PCDH15: variants seen among roughly 807,000 people sequenced by gnomAD.
PCDH15 encodes the protein protocadherin related 15.
A neutral mutation model predicts 178.5 loss-of-function variants in PCDH15; 129 were observed. The ratio of observed to expected loss-of-function variants is 0.72; its 90% CI spans 0.63 to 0.84. The LOEUF (loss-of-function observed/expected upper bound fraction) is 0.84, where lower values mean the gene tolerates loss of function less well. PCDH15 is among the 40% of genes least tolerant of loss of function. The pLI is 0.00. For synonymous variants in PCDH15, 800 were observed against 732.0 expected (o/e 1.09, Z -1.50); for missense variants, 2,230 against 2,099.9 (o/e 1.06, Z -1.21).
chr10:54,973,457 A>C (rs1218055597), intron 2 of PCDH15, among the ~76,000 whole-genome samples: 1 of 152,212 alleles, frequency 6.6e-6, no homozygotes. Context: ...TGCAGAAGCA[A>C]CACTGGTAAT....
rs777745189 is a variant in PCDH15, at chr10:54,023,108, G to T, written c.2310C>A (p.Ser770Arg). The T allele has an allele frequency of 1.2e-6, 2 of 1,613,760 alleles. No homozygotes were observed. The highest frequency in any genetic ancestry group is 2.2e-5 in the East Asian group (1 of 44,876). The change falls in exon 19 of 38, where the codon AGC (serine) becomes AGA (arginine). Residue 770 changes from serine (S) to arginine (R), a missense_variant. Ser to Arg is a moderately radical substitution (Grantham distance 110). Transcript: ENST00000644397. ...NNLFRITSNGSIYTAVKLNRE... is the reference protein window; with the variant it reads ...NNLFRITSNGRIYTAVKLNRE... ...TGTTAAGCTTCACTGCTGTGTAAATGCTCCCATTGGATGTGATACGAAAAA... is the reference window on the plus strand; with the variant it reads ...TGTTAAGCTTCACTGCTGTGTAAATTCTCCCATTGGATGTGATACGAAAAA...
chr10:54,534,396 G>T (rs1366178062), intron 2 of PCDH15, among the ~76,000 whole-genome samples: 1 of 152,074 alleles, frequency 6.6e-6, no homozygotes, highest in Admixed American at 6.6e-5. Context: ...GATATACTCT[G>T]ATGGATTAAA....
intron 1 of PCDH15, among the ~76,000 whole-genome samples, chr10:55,276,615 T>C (rs1842604364): frequency 6.6e-6 from 1 of 151,806 alleles, no homozygotes; most frequent in South Asian, 2.1e-4. Context: ...TTTTATATTA[T>C]CATTAGAAAT....
intron 5 of PCDH15, among the ~76,000 whole-genome samples, chr10:54,349,466 C>A (rs1424854868): frequency 1.3e-5 from 2 of 152,106 alleles, no homozygotes; most frequent in Admixed American, 6.6e-5. Context: ...ATTCAATATG[C>A]AAACTATTGA....
At chr10:54,061,842 G>T (rs888075541) in intron 18 of PCDH15, among the ~76,000 whole-genome samples, 1 of 151,960 alleles carries the variant, frequency 6.6e-6, no homozygotes, top group Non-Finnish European at 1.5e-5. Context: ...TTTTTAATAT[G>T]CTGGATAAAA....
At chr10:54,334,854 C>CT (rs1233935224) in intron 6 of PCDH15, among the ~76,000 whole-genome samples, 3 of 152,030 alleles carry the variant, frequency 2.0e-5, no homozygotes, top group African/African-American at 4.8e-5. Context: ...TTCTTTGACA[C>CT]TTTTTTTTGA....
intron 18 of PCDH15, among the ~76,000 whole-genome samples, chr10:54,035,157 A>G (rs1030483809): frequency 5.3e-5 from 8 of 152,028 alleles, no homozygotes; most frequent in African/African-American, 1.9e-4. Flanking sequence ...GGAGCAGTCT[A>G]GTCAGTAGAA....
chr10:55,231,345 A>T (rs1009493993), intron 1 of PCDH15, among the ~76,000 whole-genome samples: 2 of 152,126 alleles, frequency 1.3e-5, no homozygotes, highest in Admixed American at 6.5e-5. Context: ...ACTTACAAAG[A>T]GTCTTGCATA....
At chr10:54,210,235 G>A (rs972802201) in intron 10 of PCDH15, among the ~76,000 whole-genome samples, 20 of 151,870 alleles carry the variant, frequency 1.3e-4, no homozygotes, top group Non-Finnish European at 2.5e-4. Flanking sequence ...AGAGATGCAA[G>A]ATCAAATTGT....
intron 21 of PCDH15, among the ~76,000 whole-genome samples, chr10:53,984,194 T>A (rs990632495): frequency 1.5e-5 from 2 of 134,076 alleles, no homozygotes; most frequent in East Asian, 5.4e-4. Context: ...CTGTCCTCCA[T>A]GCTTGAGTGC....
chr10:55,019,055 G>C (rs928986652), intron 2 of PCDH15, among the ~76,000 whole-genome samples: 1 of 151,924 alleles, frequency 6.6e-6, no homozygotes, highest in Non-Finnish European at 1.5e-5. Context: ...ATCTTATTTT[G>C]CAGCTCTTTA....
intron 2 of PCDH15, among the ~76,000 whole-genome samples, chr10:55,157,237 A>C (rs190225190): frequency 2.5e-3 from 383 of 152,164 alleles, no homozygotes; most frequent in African/African-American, 8.7e-3. Context: ...GAGAAATGCA[A>C]ATTAAAACCA....
intron 5 of PCDH15, among the ~76,000 whole-genome samples, chr10:54,357,847 A>G (rs1451607533): frequency 6.6e-6 from 1 of 152,266 alleles, no homozygotes; most frequent in East Asian, 1.9e-4. Context: ...CAGAGCCCTC[A>G]GAAATAACAC....
chr10:55,226,304 T>C (rs1841038403), intron 1 of PCDH15, among the ~76,000 whole-genome samples: 1 of 152,136 alleles, frequency 6.6e-6, no homozygotes, highest in Non-Finnish European at 1.5e-5. Flanking sequence ...TTTAATTCTA[T>C]AGTAATTAAT....
In PCDH15 at chr10:53,823,295, T is replaced by C. The variant is rs756871318; in HGVS notation, c.4368-3065A>G. 3 of 1,613,924 alleles carry C rather than the reference T, an allele frequency of 1.9e-6. No homozygotes were observed. In the African/African-American group the frequency reaches 4.0e-5, roughly 22 times the overall value. ...AAAAGGGCATCACAACTTGTTGATG[T>C]TTCCTGTCTTCTGAGACTGAGTTAT... On this transcript the variant is annotated intron_variant, in intron 32 of 37. Transcript: ENST00000644397.
intron 2 of PCDH15, among the ~76,000 whole-genome samples, chr10:55,454,539 A>G (rs1352150419): frequency 6.6e-6 from 1 of 151,538 alleles, no homozygotes; most frequent in Non-Finnish European, 1.5e-5. Flanking sequence ...GCACTTTGGG[A>G]GGCTGAGGTG....
intron 1 of PCDH15, among the ~76,000 whole-genome samples, chr10:55,182,951 C>A (rs1839691580): frequency 6.6e-6 from 1 of 151,896 alleles, no homozygotes; most frequent in Admixed American, 6.6e-5. Flanking sequence ...TCCAGGTGGG[C>A]AGAAACTGTG....
intron 1 of PCDH15, among the ~76,000 whole-genome samples, chr10:55,201,758 C>G (rs192575654): frequency 1.1e-3 from 167 of 152,296 alleles, no homozygotes; most frequent in Non-Finnish European, 2.1e-3. Flanking sequence ...GAAGAGCTCC[C>G]TTTCCTTCTC....
At chr10:54,439,921 A>G (rs1445331114) in intron 3 of PCDH15, among the ~76,000 whole-genome samples, 4 of 152,102 alleles carry the variant, frequency 2.6e-5, no homozygotes, top group Non-Finnish European at 5.9e-5. Flanking sequence ...GATTTAGTAT[A>G]TGAACTACGA....
Sources: gnomAD v4.1 joint callset for allele counts (sites outside exome capture counted in the v4.1 genomes callset) on GRCh38, gnomAD v4.1.1 for gene constraint, MANE v1.5 for transcripts, NCBI Gene and HGNC (gene_info 2026-07-23, HGNC 2026-07-21) for gene names.